PTPRT: variants seen among roughly 807,000 people sequenced by gnomAD.
The protein encoded by PTPRT is receptor-type tyrosine-protein phosphatase T.
In PTPRT, 56 loss-of-function variants were observed where a neutral mutation model predicts 176.8. The ratio of observed to expected loss-of-function variants is 0.32; its 90% CI spans 0.26 to 0.40. The LOEUF (loss-of-function observed/expected upper bound fraction) is 0.40, where lower values mean the gene tolerates loss of function less well. Ranked by LOEUF, PTPRT falls within the 10% of genes least tolerant of loss-of-function variation. The pLI is 1.00. For missense variants in PTPRT, 1,540 were observed against 1,908.2 expected (o/e 0.81, Z 3.60); for synonymous variants, 783 against 739.0 (o/e 1.06, Z -0.96).
In PTPRT at chr20:42,937,903, C is replaced by G. The variant is rs770463309; in HGVS notation, c.89-51971G>C. 1.1e-4 allele frequency among the ~76,000 whole-genome samples: 17 copies of G among 152,306 alleles called. No homozygotes were observed. In the South Asian group the frequency reaches 2.7e-3, roughly 24 times the overall value. ...ATTGTTCCCATTCTGCAGATGAGAA[C>G]ACAAGTGACTCAGATATGCTAAGTC... On this transcript the variant is annotated intron_variant, in intron 1 of 30. Coordinates refer to ENST00000373187, the MANE Select transcript of PTPRT (RefSeq NM_007050.6).
At chr20:43,017,348 C>T (rs1428211150) in intron 1 of PTPRT, among the ~76,000 whole-genome samples, 1 of 152,080 alleles carries the variant, frequency 6.6e-6, no homozygotes, top group Non-Finnish European at 1.5e-5. Context: ...CCTGTCTCTT[C>T]TCTCATTCCT....
intron 13 of PTPRT, among the ~76,000 whole-genome samples, chr20:42,261,809 G>C (rs554411510): frequency 9.2e-5 from 14 of 152,194 alleles, no homozygotes; most frequent in Non-Finnish European, 1.8e-4. Context: ...CCCCTAAGGG[G>C]TGACTGTATT....
At chr20:43,152,342 A>C (rs1042989605) in intron 1 of PTPRT, among the ~76,000 whole-genome samples, 12 of 152,186 alleles carry the variant, frequency 7.9e-5, no homozygotes, top group Admixed American at 3.9e-4. Flanking sequence ...GGCTTGTATT[A>C]CTTGTTTAAA....
intron 15 of PTPRT, among the ~76,000 whole-genome samples, chr20:42,216,039 C>G (rs1238532604): frequency 1.3e-5 from 2 of 152,226 alleles, no homozygotes; most frequent in Non-Finnish European, 2.9e-5. Context: ...CAAGCAACCG[C>G]TTCCAAGCAG....
chr20:42,286,087 G>A (rs1445563910), intron 12 of PTPRT, among the ~76,000 whole-genome samples: 1 of 151,756 alleles, frequency 6.6e-6, no homozygotes, highest in Non-Finnish European at 1.5e-5. Flanking sequence ...AAATTGAAGG[G>A]AAACAAATAG....
At chr20:42,261,401 T>G (rs544099408) in intron 13 of PTPRT, among the ~76,000 whole-genome samples, 1 of 147,638 alleles carries the variant, frequency 6.8e-6, no homozygotes, top group Admixed American at 6.6e-5. Context: ...GCAAAGATAC[T>G]GTTTTTAAAT....
At chr20:42,207,434 G>C (rs1428655399) in intron 15 of PTPRT, among the ~76,000 whole-genome samples, 1 of 112,958 alleles carries the variant, frequency 8.9e-6, no homozygotes, top group African/African-American at 3.5e-5. Context: ...AACCAATACA[G>C]AGAAGTGCTT....
At chr20:42,765,351 A>T (rs2076968516) in intron 5 of PTPRT, among the ~76,000 whole-genome samples, 2 of 152,210 alleles carry the variant, frequency 1.3e-5, no homozygotes, top group South Asian at 4.1e-4. Flanking sequence ...CACACATAAA[A>T]TATTTCTAAA....
At chr20:42,579,271 G>A (rs188747954) in intron 7 of PTPRT, among the ~76,000 whole-genome samples, 117 of 152,118 alleles carry the variant, frequency 7.7e-4, no homozygotes, top group Non-Finnish European at 3.4e-4. Flanking sequence ...GTATTCCATG[G>A]TGTATATGGG....
At chr20:42,962,796 G>C (rs540301441) in intron 1 of PTPRT, among the ~76,000 whole-genome samples, 34 of 152,260 alleles carry the variant, frequency 2.2e-4, no homozygotes, top group African/African-American at 7.9e-4. Flanking sequence ...GGCCAGGCGC[G>C]GTGGCTCACG....
chr20:42,780,654 CT>C (rs2077201525), intron 3 of PTPRT, among the ~76,000 whole-genome samples: 1 of 152,162 alleles, frequency 6.6e-6, no homozygotes, highest in African/African-American at 2.4e-5. Flanking sequence ...CAGAGAACTA[CT>C]TTCTAATATT....
chr20:42,124,849 G>T (rs182643575), intron 19 of PTPRT, among the ~76,000 whole-genome samples: 187 of 152,246 alleles, frequency 1.2e-3, no homozygotes, highest in African/African-American at 4.0e-3. Flanking sequence ...TCTTCCCTTT[G>T]TCCCTCCATT....
intron 6 of PTPRT, among the ~76,000 whole-genome samples, chr20:42,681,015 T>A (rs1236960600): frequency 6.6e-6 from 1 of 152,230 alleles, no homozygotes; most frequent in Non-Finnish European, 1.5e-5. Flanking sequence ...GATTATTGTG[T>A]GCTTTATTCT....
chr20:42,718,934 GT>G (rs1341430313), intron 6 of PTPRT, among the ~76,000 whole-genome samples: 6 of 152,228 alleles, frequency 3.9e-5, no homozygotes, highest in African/African-American at 1.4e-4. Flanking sequence ...ACTAGTGATG[GT>G]AGGAAAGATA....
At chr20:42,486,020 A>G (rs1254446209) in intron 7 of PTPRT, among the ~76,000 whole-genome samples, 2 of 152,214 alleles carry the variant, frequency 1.3e-5, no homozygotes, top group Non-Finnish European at 2.9e-5. Context: ...TAGAACACGG[A>G]TCACAGTACA....
At chr20:42,680,509 A>G (rs895674635) in intron 6 of PTPRT, among the ~76,000 whole-genome samples, 1 of 152,194 alleles carries the variant, frequency 6.6e-6, no homozygotes, top group Non-Finnish European at 1.5e-5. Flanking sequence ...TTTGATTGCC[A>G]TTATCAACTC....
At chr20:42,615,758 T>C (rs1257061313) in intron 7 of PTPRT, among the ~76,000 whole-genome samples, 2 of 118,632 alleles carry the variant, frequency 1.7e-5, no homozygotes, top group Non-Finnish European at 3.4e-5. Flanking sequence ...TCTGTTCATG[T>C]CCTTCGCCCA....
intron 1 of PTPRT, among the ~76,000 whole-genome samples, chr20:43,018,902 C>T (rs1356764851): frequency 1.3e-5 from 2 of 152,058 alleles, no homozygotes; most frequent in Admixed American, 1.3e-4. Flanking sequence ...ATTGTTACAG[C>T]CCTCTATTGG....
At chr20:42,249,331 A>T (rs937207700) in intron 13 of PTPRT, among the ~76,000 whole-genome samples, 1 of 152,198 alleles carries the variant, frequency 6.6e-6, no homozygotes, top group Admixed American at 6.5e-5. Context: ...TAGGGCAAAA[A>T]GTTTGTATAT....
Sources: allele counts gnomAD v4.1 joint callset (sites outside exome capture counted in the v4.1 genomes callset), GRCh38; gene constraint gnomAD v4.1.1; transcripts MANE v1.5; gene names NCBI Gene and HGNC (gene_info 2026-07-23, HGNC 2026-07-21).